Variants in TFPI observed in about 807,000 individuals in gnomAD.
TFPI encodes the protein anti-convertin.
A neutral mutation model predicts 34.6 loss-of-function variants in TFPI; 15 were observed. The observed-to-expected ratio is 0.43, with a 90% CI of 0.29 to 0.67. The LOEUF (loss-of-function observed/expected upper bound fraction) is 0.67, where lower values mean the gene tolerates loss of function less well. TFPI is among the 30% of genes least tolerant of loss of function. The pLI is 0.15. For missense variants in TFPI, 301 were observed against 364.0 expected, an observed-to-expected ratio of 0.83 and a Z score of 1.41; for synonymous variants, 105 against 120.1, an observed-to-expected ratio of 0.87 and a Z score of 0.82.
At chr2:187,530,816 C>T (rs759389643) in intron 1 of TFPI, among the ~76,000 whole-genome samples, 21 of 152,000 alleles carry the variant, frequency 1.4e-4, no homozygotes, top group South Asian at 8.3e-4. Flanking sequence ...ATTAAAAATT[C>T]GGTAAAAATT....
intron 1 of TFPI, among the ~76,000 whole-genome samples, chr2:187,504,577 A>G (rs1330477430): frequency 2.6e-5 from 4 of 151,978 alleles, no homozygotes; most frequent in African/African-American, 4.8e-5. Context: ...AAAAAAAAAA[A>G]AAAGAAAAGA....
Position 187,467,903 on chromosome 2 carries a change from G to T in TFPI, c.658C>A (p.Pro220Thr). 3 of 1,603,696 alleles carry T rather than the reference G, an allele frequency of 1.9e-6. No homozygotes were observed. The highest frequency in any genetic ancestry group is 2.6e-6 in the Non-Finnish European group (3 of 1,175,840). The part of the protein sequence containing the change: ...EFHGPSWCLT[P>T]ADRGLCRANE... The stretch of plus-strand genomic sequence containing the variant: ...GCACGACACAATCCTCTGTCTGCTG[G>T]AGTGAGACACCATGAGGGACCGTGA... Residue 220 changes from proline to threonine, a missense_variant, in exon 7 of 8, where the codon CCA becomes ACA. By Grantham distance (38) the Pro-to-Thr change is conservative. Transcript: ENST00000233156.
At position 187,484,188 on chromosome 2, in the gene TFPI, T is replaced by C. The variant is rs748600722; in HGVS notation, c.564A>G (p.Gly188=). Reference sequence around the variant, plus strand: ...AGTTATTCACAGCATTGAGCTGGGTTCCATAATTATCCACCTGGAAACCAT... The same window carrying C: ...AGTTATTCACAGCATTGAGCTGGGTCCCATAATTATCCACCTGGAAACCAT... The part of the protein sequence containing the change: ...GPNGFQVDNY[G]TQLNAVNNSL... The change falls in exon 6 of 8, where the codon GGA becomes GGG. Residue 188 remains glycine, a synonymous_variant. Transcript: ENST00000233156. 6.2e-7 allele frequency: 1 copy of C among 1,612,104 alleles called. No homozygotes were observed.
Position 187,467,001 on chromosome 2 carries a change from TG to T in TFPI, c.849del (p.Arg285GlufsTer8), listed in dbSNP as rs1365753285. On this transcript the variant is annotated frameshift_variant, in exon 8 of 8. Transcript: ENST00000233156. LOFTEE classifies it low-confidence loss of function (END_TRUNC). ...QRISKGGLIK[T>X]KRKRKKQRVK... ...ACTCTCTGCTTCTTTCTTTTTCTTTTGGTTTTAATTAGGCCTCCTTTTGATA... is the reference window on the plus strand; with the variant it reads ...ACTCTCTGCTTCTTTCTTTTTCTTTTGTTTTAATTAGGCCTCCTTTTGATA... The T allele has an allele frequency of 2.5e-6, 4 of 1,591,572 alleles. No homozygotes were observed. The highest frequency in any genetic ancestry group is 3.4e-6 in the Non-Finnish European group (4 of 1,167,238).
Position 187,527,484 on chromosome 2 carries a change from G to A in TFPI, c.-2-23714C>T, listed in dbSNP as rs77922017. On this transcript the variant is annotated intron_variant, in intron 1 of 7. Transcript: ENST00000233156. ...AGTTTCCCAGGGGAGGTTTAAGGCC[G>A]TGTGACTGCACATTTGCCACGTACC... 5.7e-4 allele frequency among the ~76,000 whole-genome samples: 87 copies of A among 152,210 alleles called. No homozygotes were observed. In the East Asian group the frequency reaches 0.016, roughly 27 times the overall value.
intron 2 of TFPI, chr2:187,499,528 A>G (rs1344310096): frequency 1.3e-5 from 2 of 151,976 alleles, no homozygotes; most frequent in African/African-American, 4.8e-5. Context: ...CCAAGCTGAC[A>G]TTTTGAGTTT....
Position 187,464,846 on chromosome 2 carries a change from A to G in TFPI, c.*2090T>C, listed in dbSNP as rs1381843518. 6.6e-6 allele frequency: 1 copy of G among 152,236 alleles called. No individual in the cohort carries two copies. Among genetic ancestry groups the G allele is most frequent in the Non-Finnish European group, 1.5e-5 (1 of 68,046 alleles). 9.4% of individuals were successfully genotyped at this position (152,236 alleles called of 1,614,324 possible). ...TGATAAAATTTGTATACCATAGTAG[A>G]AAATGATTTGCAATTATGTGTTAGG... On this transcript the variant is annotated 3_prime_UTR_variant, in exon 8 of 8. Transcript: ENST00000233156.
intron 2 of TFPI, chr2:187,499,703 G>A (rs1490117822): frequency 6.6e-6 from 1 of 151,702 alleles, no homozygotes; most frequent in Non-Finnish European, 1.5e-5. Flanking sequence ...TTAAATATGG[G>A]ACCCCAGAAT....
At chr2:187,530,913 T>C (rs559683750) in intron 1 of TFPI, among the ~76,000 whole-genome samples, 18 of 152,344 alleles carry the variant, frequency 1.2e-4, no homozygotes, top group African/African-American at 3.8e-4. Context: ...TTTTAAATGG[T>C]ATGAATAAAA....
intron 1 of TFPI, chr2:187,514,618 G>A (rs183970842): frequency 1.3e-5 from 2 of 152,382 alleles, no homozygotes; most frequent in Admixed American, 6.5e-5. Context: ...TCCCCAAGCA[G>A]ATGTGTGGTG....
chr2:187,497,074 C>T lies in TFPI; in HGVS notation c.126G>A (p.Thr42=), dbSNP rs761938631. 33 of 1,611,394 alleles carry T rather than the reference C, an allele frequency of 2.0e-5. No individual in the cohort carries two copies. Among genetic ancestry groups the T allele is most frequent in the East Asian group, 1.1e-4 (5 of 44,712 alleles). Residue 42 remains threonine (T), a synonymous_variant, in exon 3 of 8, where the codon ACG becomes ACA. Transcript: ENST00000233156. ...GCATAAGTTTCAGTGGTGGCAACTC[C>T]GTATCTATAAAGTAAAAATAAAAGA... The part of the protein sequence containing the change: ...EDEEHTIITD[T]ELPPLKLMHS...
At chr2:187,503,135 A>T (rs1256628835) in intron 2 of TFPI, among the ~76,000 whole-genome samples, 2 of 151,980 alleles carry the variant, frequency 1.3e-5, no homozygotes, top group Admixed American at 6.6e-5. Context: ...TTATGGGATT[A>T]GATCTAACTT....
At chr2:187,496,210 G>A (rs974314271) in intron 3 of TFPI, among the ~76,000 whole-genome samples, 1 of 151,914 alleles carries the variant, frequency 6.6e-6, no homozygotes, top group Admixed American at 6.6e-5. Context: ...ATTTCCTGTA[G>A]TATTTTAAGG....
intron 1 of TFPI, among the ~76,000 whole-genome samples, chr2:187,545,112 AAAAAAAG>A (rs1275323078): frequency 2.6e-5 from 4 of 152,288 alleles, no homozygotes; most frequent in South Asian, 4.1e-4. Context: ...CCCTGTTTCA[AAAAAAAG>A]AAAAAAGAAA....
intron 1 of TFPI, among the ~76,000 whole-genome samples, chr2:187,542,035 T>TTC (rs886683640): frequency 6.6e-6 from 1 of 151,926 alleles, no homozygotes. Flanking sequence ...TGAGATGGGG[T>TTC]AGGAACAGGA....
intron 1 of TFPI, among the ~76,000 whole-genome samples, chr2:187,528,951 A>C (rs1687819033): frequency 6.6e-6 from 1 of 152,164 alleles, no homozygotes; most frequent in Non-Finnish European, 1.5e-5. Context: ...TAAGAATTTG[A>C]AAAAGGCAGT....
intron 6 of TFPI, among the ~76,000 whole-genome samples, chr2:187,472,876 G>A (rs910887222): frequency 1.3e-5 from 2 of 152,058 alleles, no homozygotes; most frequent in African/African-American, 4.8e-5. Context: ...GCTGGGCGTG[G>A]TGGCACACGC....
intron 1 of TFPI, among the ~76,000 whole-genome samples, chr2:187,550,782 G>A (rs1342935834): frequency 6.6e-6 from 1 of 151,948 alleles, no homozygotes; most frequent in African/African-American, 2.4e-5. Context: ...CTTCCTAAAT[G>A]GACTTTAAAA....
At chr2:187,472,674 A>G (rs1308356632) in intron 6 of TFPI, among the ~76,000 whole-genome samples, 1 of 152,250 alleles carries the variant, frequency 6.6e-6, no homozygotes, top group Non-Finnish European at 1.5e-5. Context: ...TCCAAATGTC[A>G]TTAATTTGAA....
Sources: allele counts gnomAD v4.1 joint callset (sites outside exome capture counted in the v4.1 genomes callset), GRCh38; gene constraint gnomAD v4.1.1; transcripts MANE v1.5; gene names NCBI Gene and HGNC (gene_info 2026-07-23, HGNC 2026-07-21).